C9orf85: variants seen among roughly 807,000 people sequenced by gnomAD.
The protein encoded by C9orf85 is uncharacterized protein C9orf85.
A neutral mutation model predicts 14.9 loss-of-function variants in C9orf85; 16 were observed. That is an observed-to-expected ratio of 1.08 (90% CI 0.73 to 1.63). C9orf85 has a LOEUF of 1.63. C9orf85 is among the 40% of genes most tolerant of loss of function. The pLI is 0.00. For synonymous variants in C9orf85, 45 were observed against 56.8 expected (o/e 0.79, Z 0.93); for missense variants, 172 against 186.1 (o/e 0.92, Z 0.44).
chr9:71,967,713 C>CTTTTTTTT (rs55750667), intron 2 of C9orf85, among the ~76,000 whole-genome samples: 9 of 94,082 alleles, frequency 9.6e-5, no homozygotes, highest in African/African-American at 3.3e-4. Flanking sequence ...TATGACCTTT[C>CTTTTTTTT]TTTTTTTTTT....
intron 1 of C9orf85, among the ~76,000 whole-genome samples, chr9:71,921,028 A>G (rs760533565): frequency 3.9e-5 from 6 of 152,198 alleles, no homozygotes; most frequent in Non-Finnish European, 8.8e-5. Context: ...CAGCAGTAAC[A>G]TTAAAATAGA....
intron 1 of C9orf85, among the ~76,000 whole-genome samples, chr9:71,914,162 A>G (rs1326565841): frequency 6.6e-6 from 1 of 152,212 alleles, no homozygotes; most frequent in African/African-American, 2.4e-5. Flanking sequence ...TTTACACTGG[A>G]AAGCTATTTG....
intron 2 of C9orf85, among the ~76,000 whole-genome samples, chr9:71,968,893 G>A (rs1822776739): frequency 6.6e-6 from 1 of 152,098 alleles, no homozygotes; most frequent in African/African-American, 2.4e-5. Context: ...AACAGAGCAG[G>A]GATATGAGCC....
intron 3 of C9orf85, among the ~76,000 whole-genome samples, chr9:71,981,084 A>G (rs955088927): frequency 1.8e-4 from 27 of 152,214 alleles, no homozygotes; most frequent in African/African-American, 6.3e-4. Context: ...TCCCAGAGGA[A>G]GCAAGCCACA....
intron 2 of C9orf85, among the ~76,000 whole-genome samples, chr9:71,966,441 A>C (rs1465445498): frequency 6.6e-6 from 1 of 152,228 alleles, no homozygotes; most frequent in Non-Finnish European, 1.5e-5. Context: ...TTTAAGGGAA[A>C]TTTGGAAAAA....
chr9:71,959,533 T>C (rs983341350), intron 2 of C9orf85, among the ~76,000 whole-genome samples: 2 of 152,304 alleles, frequency 1.3e-5, no homozygotes, highest in East Asian at 1.9e-4. Flanking sequence ...CTTAGAAAAA[T>C]TAGGTGTCTT....
intron 2 of C9orf85, among the ~76,000 whole-genome samples, chr9:71,970,412 C>T (rs892590806): frequency 6.6e-5 from 10 of 152,140 alleles, no homozygotes; most frequent in East Asian, 1.9e-4. Context: ...AAGTACCTCA[C>T]GATCCTTATA....
At chr9:71,937,546 ATAT>A (rs1199871491) in intron 1 of C9orf85, among the ~76,000 whole-genome samples, 5 of 152,194 alleles carry the variant, frequency 3.3e-5, no homozygotes, top group African/African-American at 7.2e-5. Context: ...GAGGAGGGAA[ATAT>A]TATTTCTTGA....
chr9:71,912,574 C>A (rs1402185042), intron 1 of C9orf85, among the ~76,000 whole-genome samples: 1 of 151,956 alleles, frequency 6.6e-6, no homozygotes, highest in Non-Finnish European at 1.5e-5. Flanking sequence ...TGGCGAAACT[C>A]CATCTGTACT....
intron 2 of C9orf85, among the ~76,000 whole-genome samples, chr9:71,962,865 G>C (rs975228074): frequency 1.3e-5 from 2 of 152,226 alleles, no homozygotes; most frequent in East Asian, 3.9e-4. Context: ...AGACCAGCCC[G>C]GCAAACATGG....
chr9:71,942,985 A>G (rs1328514234), intron 1 of C9orf85, among the ~76,000 whole-genome samples: 1 of 152,086 alleles, frequency 6.6e-6, no homozygotes, highest in Non-Finnish European at 1.5e-5. Context: ...CTTGCCCCCA[A>G]ATCCAGGGAT....
chr9:71,978,750 T>C (rs1823048064), intron 3 of C9orf85, among the ~76,000 whole-genome samples: 1 of 152,178 alleles, frequency 6.6e-6, no homozygotes, highest in African/African-American at 2.4e-5. Context: ...AATTTGTTTA[T>C]TTTGACTGGG....
chr9:71,970,106 A>G (rs1213952556), intron 2 of C9orf85, among the ~76,000 whole-genome samples: 13 of 152,026 alleles, frequency 8.6e-5, no homozygotes. Context: ...CCCCATGCCC[A>G]GCTAATTTTT....
In C9orf85 at chr9:71,947,277, T is replaced by C. The variant is rs139076298; in HGVS notation, c.209+165T>C. On this transcript the variant is annotated intron_variant, in intron 2 of 3. Transcript: ENST00000334731. The stretch of plus-strand genomic sequence containing the variant: ...ATCTTGTGTGCTGAATCTTGGTTTG[T>C]GAAGGCCGACAGATTTAAAAAGTTA... Among the ~76,000 whole-genome samples the C allele has an allele frequency of 1.6e-3, 241 of 152,350 alleles. 4 individuals are homozygous for C. In the East Asian group the frequency reaches 0.043, roughly 27 times the overall value.
chr9:71,931,804 A>G (rs887009966), intron 1 of C9orf85, among the ~76,000 whole-genome samples: 3 of 152,234 alleles, frequency 2.0e-5, no homozygotes, highest in Non-Finnish European at 4.4e-5. Context: ...AGTGTTGTTT[A>G]AACTATAAGA....
At chr9:71,959,020 C>G (rs1455673835) in intron 2 of C9orf85, among the ~76,000 whole-genome samples, 1 of 152,036 alleles carries the variant, frequency 6.6e-6, no homozygotes, top group East Asian at 1.9e-4. Flanking sequence ...TTTAACAAAA[C>G]TTTAAGAGGC....
At chr9:71,944,853 G>A (rs1404235421) in intron 1 of C9orf85, among the ~76,000 whole-genome samples, 4 of 152,072 alleles carry the variant, frequency 2.6e-5, no homozygotes, top group East Asian at 3.9e-4. Context: ...GTGCCTGTTA[G>A]TCATATGAAC....
At chr9:71,921,834 T>C (rs1827814631) in intron 1 of C9orf85, among the ~76,000 whole-genome samples, 1 of 152,182 alleles carries the variant, frequency 6.6e-6, no homozygotes, top group South Asian at 2.1e-4. Flanking sequence ...GTTGCTAACT[T>C]AAGCAGAAAG....
Position 71,971,552 on chromosome 9 carries a change from G to C in C9orf85, c.257G>C (p.Cys86Ser), listed in dbSNP as rs762543748. The change falls in exon 3 of 4, where the codon TGC (cysteine) becomes TCC (serine). Residue 86 changes from cysteine (C) to serine (S), a missense_variant. Coordinates refer to ENST00000334731, the MANE Select transcript of C9orf85 (RefSeq NM_182505.5). ...GTGAAGGATTCTTATCACATAATGTGCAGGCCATGTGCCTGTGAACTTGAA... is the reference window on the plus strand; with the variant it reads ...GTGAAGGATTCTTATCACATAATGTCCAGGCCATGTGCCTGTGAACTTGAA... ...KTVKDSYHIM[C>S]RPCACELEVC... The C allele has an allele frequency of 6.2e-7, 1 of 1,612,340 alleles. No individual in the cohort carries two copies. Among genetic ancestry groups the C allele is most frequent in the East Asian group, 2.2e-5 (1 of 44,780 alleles).
Sources: allele counts gnomAD v4.1 joint callset (sites outside exome capture counted in the v4.1 genomes callset), GRCh38; gene constraint gnomAD v4.1.1; transcripts MANE v1.5; gene names NCBI Gene and HGNC (gene_info 2026-07-23, HGNC 2026-07-21).